Variants in LANCL2 observed in about 807,000 individuals in gnomAD.
LANCL2 encodes LanC like glutathione S-transferase 2.
LANCL2 carries 33 observed loss-of-function variants against 56.9 expected under a neutral mutation model. The ratio of observed to expected loss-of-function variants is 0.58; its 90% CI spans 0.44 to 0.78. The LOEUF (loss-of-function observed/expected upper bound fraction) is 0.78. LANCL2 is among the 30% of genes least tolerant of loss of function. LANCL2 has a pLI of 0.00. For missense variants in LANCL2, 562 were observed against 580.2 expected, an observed-to-expected ratio of 0.97 and a Z score of 0.32; for synonymous variants, 233 against 228.2, an observed-to-expected ratio of 1.02 and a Z score of -0.19.
chr7:55,393,145 T>C lies in LANCL2; in HGVS notation c.322+1235T>C, dbSNP rs189380583. On this transcript the variant is annotated intron_variant, in intron 2 of 8. Transcript: ENST00000254770. ...ATATAAAGGATATAAAAGATAACCT[T>C]GTTCTCAGGGATTAGACTGAAGTCC... is the stretch of plus-strand genomic sequence containing the variant. Among the ~76,000 whole-genome samples, 169 of 152,330 alleles carry C rather than the reference T, an allele frequency of 1.1e-3. 3 individuals carry two copies. The highest frequency in any genetic ancestry group is 2.4e-4 in the Non-Finnish European group (16 of 68,042).
At chr7:55,418,394 G>A (rs1296004917) in intron 6 of LANCL2, among the ~76,000 whole-genome samples, 2 of 151,892 alleles carry the variant, frequency 1.3e-5, no homozygotes, top group Non-Finnish European at 2.9e-5. Context: ...TGACCAGGCT[G>A]GTCTCAAACT....
intron 1 of LANCL2, among the ~76,000 whole-genome samples, chr7:55,385,308 G>C (rs1221893342): frequency 6.6e-6 from 1 of 152,202 alleles, no homozygotes; most frequent in South Asian, 2.1e-4. Flanking sequence ...CAGAAAGGCA[G>C]ATTTATTAGA....
chr7:55,408,207 G>A (rs1467978725), intron 5 of LANCL2, among the ~76,000 whole-genome samples: 2 of 152,234 alleles, frequency 1.3e-5, no homozygotes, highest in African/African-American at 4.8e-5. Context: ...ATGAAAATGG[G>A]AAGCAAAGTC....
rs1179328309 is a variant in LANCL2, at chr7:55,425,354, C to T, written c.1109C>T (p.Thr370Ile). ...AAGGGCTACGGGATATGCCATGGGA[C>T]TGCTGGCAACGGCTATTCCTTCCTG... ...LRKGYGICHG[T>I]AGNGYSFLSL... Residue 370 changes from threonine to isoleucine, a missense_variant, in exon 7 of 9, where the codon ACT becomes ATT. Coordinates refer to ENST00000254770, the MANE Select transcript of LANCL2 (RefSeq NM_018697.4). The T allele has an allele frequency of 1.9e-6, 3 of 1,614,158 alleles. No homozygotes were observed. In the East Asian group the frequency reaches 6.7e-5, roughly 36 times the overall value.
In LANCL2 at chr7:55,366,021, C is replaced by T. The variant is rs1789858046; in HGVS notation, c.-5C>T. 1.4e-6 allele frequency: 2 copies of T among 1,439,572 alleles called. No individual in the cohort carries two copies. Among genetic ancestry groups the T allele is most frequent in the Middle Eastern group, 1.8e-4 (1 of 5,504 alleles). The allele number at this position is 1,439,572 out of a possible 1,614,324, so 89.2% of individuals were successfully genotyped here. On this transcript the variant is annotated 5_prime_UTR_variant, in exon 1 of 9. Coordinates refer to ENST00000254770, the MANE Select transcript of LANCL2 (RefSeq NM_018697.4). ...TCCCCGCCCGCGCGCCGTACCGCGG[C>T]GGAGATGGGCGAGACCATGTCAAAG...
In LANCL2 at chr7:55,365,763, C is replaced by A. The variant is rs1789851712; in HGVS notation, c.-263C>A. On this transcript the variant is annotated 5_prime_UTR_variant, in exon 1 of 9. Coordinates refer to ENST00000254770, the MANE Select transcript of LANCL2 (RefSeq NM_018697.4). ...GAGCCGCTGGGCGCTCCCGCGAGCC[C>A]GCTCCTCTCCGTCGGGAGCAGGGCA... is the stretch of plus-strand genomic sequence containing the variant. The A allele has an allele frequency of 2.8e-6, 1 of 351,390 alleles. No individual in the cohort carries two copies. The highest frequency in any genetic ancestry group is 1.3e-4 in the South Asian group (1 of 7,810). 21.8% of individuals were successfully genotyped at this position (351,390 alleles called of 1,614,324 possible).
At chr7:55,402,803 G>C (rs6971159) in intron 5 of LANCL2, among the ~76,000 whole-genome samples, 1 of 96,254 alleles carries the variant, frequency 1.0e-5, no homozygotes, top group African/African-American at 4.5e-5. Flanking sequence ...CTTCTCAGAC[G>C]GGGCGGCCGG....
At chr7:55,398,913 A>G (rs1790287820) in intron 3 of LANCL2, among the ~76,000 whole-genome samples, 1 of 152,214 alleles carries the variant, frequency 6.6e-6, no homozygotes, top group South Asian at 2.1e-4. Context: ...TACCTGCTTT[A>G]GATTCACCAT....
intron 2 of LANCL2, among the ~76,000 whole-genome samples, chr7:55,394,951 G>A (rs1790233354): frequency 6.6e-6 from 1 of 152,176 alleles, no homozygotes; most frequent in African/African-American, 2.4e-5. Context: ...CTTGCAAGGT[G>A]GAGCGGCATC....
Position 55,431,327 on chromosome 7 carries a change from C to A in LANCL2, c.*7C>A. The A allele has an allele frequency of 6.2e-7, 1 of 1,603,328 alleles. No individual in the cohort carries two copies. Among genetic ancestry groups the A allele is most frequent in the Non-Finnish European group, 8.5e-7 (1 of 1,173,204 alleles). Reference sequence around the variant, plus strand: ...CTCTTCGAAGAGGGATTAAAAGGTGCAAAAAGACAACTAAAATACCCATTT... The same window carrying A: ...CTCTTCGAAGAGGGATTAAAAGGTGAAAAAAGACAACTAAAATACCCATTT... On this transcript the variant is annotated 3_prime_UTR_variant, in exon 9 of 9. Coordinates refer to ENST00000254770, the MANE Select transcript of LANCL2 (RefSeq NM_018697.4).
At position 55,400,852 on chromosome 7, in the gene LANCL2, A is replaced by C. The variant is rs571325637; in HGVS notation, c.679-322A>C. 2.6e-5 allele frequency among the ~76,000 whole-genome samples: 4 copies of C among 152,320 alleles called. No individual in the cohort carries two copies. The South Asian group carries it at 8.3e-4, about 32-fold the overall frequency. On this transcript the variant is annotated intron_variant, in intron 4 of 8. Transcript: ENST00000254770. The stretch of plus-strand genomic sequence containing the variant: ...GCTGCTCTTTTGGGAAAAATACTGC[A>C]GCTACGAAGCAACTAAGAAATCCAA...
At position 55,401,176 on chromosome 7, in the gene LANCL2, A is replaced by G. The variant is rs148596591; in HGVS notation, c.681A>G (p.Val227=). 17 of 1,613,760 alleles carry G rather than the reference A, an allele frequency of 1.1e-5. No homozygotes were observed. Among genetic ancestry groups the G allele is most frequent in the Non-Finnish European group, 1.4e-5 (16 of 1,179,770 alleles). The change falls in exon 5 of 9, where the codon GTA becomes GTG. Residue 227 remains valine, a splice_region_variant and synonymous_variant. Transcript: ENST00000254770. ...ATGCTGTCTTGTTATCTCTGTAGGT[A>G]GTCAATGCTATTATTGAATCGGGTA... ...GTVCESAIKE[V]VNAIIESGKT...
intron 1 of LANCL2, among the ~76,000 whole-genome samples, chr7:55,382,099 GC>G (rs1025655320): frequency 1.3e-5 from 2 of 152,134 alleles, no homozygotes; most frequent in African/African-American, 4.8e-5. Context: ...TTTTGAGGAG[GC>G]ATATTCTGCT....
chr7:55,419,830 C>T (rs1790589734), intron 6 of LANCL2, among the ~76,000 whole-genome samples: 1 of 152,066 alleles, frequency 6.6e-6, no homozygotes, highest in Non-Finnish European at 1.5e-5. Flanking sequence ...TTTTCTATTT[C>T]ATTGATTTTT....
intron 5 of LANCL2, among the ~76,000 whole-genome samples, chr7:55,402,792 A>T (rs1790355492): frequency 8.6e-6 from 1 of 115,716 alleles, no homozygotes; most frequent in African/African-American, 3.6e-5. Context: ...GGGTCTCCTC[A>T]CTTCTCAGAC....
At chr7:55,398,674 A>T in intron 3 of LANCL2, 44 bp downstream of exon 3, 1 of 1,427,562 alleles carries the variant, frequency 7.0e-7, no homozygotes, top group South Asian at 1.2e-5. Flanking sequence ...TTCCCAGTGG[A>T]AGCTCTTGCT....
At chr7:55,407,829 C>T (rs1005429126) in intron 5 of LANCL2, among the ~76,000 whole-genome samples, 20 of 152,224 alleles carry the variant, frequency 1.3e-4, no homozygotes, top group Admixed American at 7.8e-4. Flanking sequence ...TTACACATCC[C>T]GTTGGTCTAC....
chr7:55,406,623 C>T (rs141548160), intron 5 of LANCL2, among the ~76,000 whole-genome samples: 167 of 152,276 alleles, frequency 1.1e-3, no homozygotes, highest in African/African-American at 3.9e-3. Context: ...GTTCTTATTT[C>T]TCATTGTCTA....
chr7:55,402,254 C>T (rs1271215250), intron 5 of LANCL2, among the ~76,000 whole-genome samples: 11 of 130,814 alleles, frequency 8.4e-5, no homozygotes, highest in Admixed American at 6.6e-4. Context: ...GGGGGCTGAC[C>T]CCCCCGCCTC....
Sources: gnomAD v4.1 joint callset for allele counts (sites outside exome capture counted in the v4.1 genomes callset) on GRCh38, gnomAD v4.1.1 for gene constraint, MANE v1.5 for transcripts, NCBI Gene and HGNC (gene_info 2026-07-23, HGNC 2026-07-21) for gene names.